SOX6: variants seen among roughly 807,000 people sequenced by gnomAD.
SOX6 encodes SRY-box transcription factor 6.
In SOX6, 11 loss-of-function variants were observed where a neutral mutation model predicts 97.8. That is an observed-to-expected ratio of 0.11 (90% CI 0.07 to 0.19). SOX6 has a LOEUF of 0.19. Ranked by LOEUF, SOX6 falls within the 10% of genes least tolerant of loss-of-function variation. SOX6 has a pLI of 1.00. For missense variants in SOX6, 810 were observed against 1,039.5 expected, an observed-to-expected ratio of 0.78 and a Z score of 3.04; for synonymous variants, 360 against 371.4, an observed-to-expected ratio of 0.97 and a Z score of 0.35.
intron 1 of SOX6, among the ~76,000 whole-genome samples, chr11:16,354,367 T>A (rs1857023179): frequency 6.6e-6 from 1 of 151,902 alleles, no homozygotes; most frequent in Non-Finnish European, 1.5e-5. Context: ...TTTTTACACA[T>A]CACAATAAAT....
At chr11:16,176,070 CGGATGGATGGAT>C (rs71826187) in intron 6 of SOX6, among the ~76,000 whole-genome samples, 115 of 148,420 alleles carry the variant, frequency 7.7e-4, no homozygotes, top group African/African-American at 2.4e-3. Flanking sequence ...GACGGACGGA[CGGATGGATGGAT>C]GGATGGATGG....
intron 2 of SOX6, among the ~76,000 whole-genome samples, chr11:16,326,910 C>T (rs1015663523): frequency 3.3e-5 from 5 of 152,092 alleles, no homozygotes; most frequent in East Asian, 1.9e-4. Flanking sequence ...TTTAAGAGTT[C>T]GGGGCTGAGA....
At chr11:16,429,014 C>A (rs768336677) in intron 1 of SOX6, among the ~76,000 whole-genome samples, 1 of 151,696 alleles carries the variant, frequency 6.6e-6, no homozygotes, top group Non-Finnish European at 1.5e-5. Context: ...AGCAGTGGTT[C>A]TCCTTGAACA....
chr11:16,065,797 A>G (rs1185504437), intron 9 of SOX6, among the ~76,000 whole-genome samples: 2 of 152,154 alleles, frequency 1.3e-5, no homozygotes, highest in Non-Finnish European at 2.9e-5. Flanking sequence ...CAAGACCTCA[A>G]TGTATGAAAC....
chr11:16,280,833 T>C (rs1854537620), intron 3 of SOX6, among the ~76,000 whole-genome samples: 3 of 152,282 alleles, frequency 2.0e-5, no homozygotes, highest in Non-Finnish European at 4.4e-5. Flanking sequence ...AATATGCATA[T>C]ATAAGGACAC....
intron 1 of SOX6, among the ~76,000 whole-genome samples, chr11:16,395,838 G>C (rs1185164284): frequency 2.0e-5 from 3 of 151,672 alleles, no homozygotes; most frequent in Non-Finnish European, 4.4e-5. Flanking sequence ...ACTAGAAAAG[G>C]CTTCAACTAT....
At chr11:16,333,941 CAAACTGAGGCAAACATA>C (rs1856384833) in intron 2 of SOX6, among the ~76,000 whole-genome samples, 1 of 152,084 alleles carries the variant, frequency 6.6e-6, no homozygotes, top group South Asian at 2.1e-4. Context: ...AAATATCCAT[CAAACTGAGGCAAACATA>C]AAACTGAGGC....
intron 3 of SOX6, among the ~76,000 whole-genome samples, chr11:16,275,606 T>A (rs1434140032): frequency 6.6e-6 from 1 of 152,214 alleles, no homozygotes; most frequent in Non-Finnish European, 1.5e-5. Context: ...TCACCTAAGA[T>A]CACTTATACA....
intron 4 of SOX6, among the ~76,000 whole-genome samples, chr11:16,232,627 C>T (rs1304593620): frequency 6.6e-6 from 1 of 151,840 alleles, no homozygotes; most frequent in Non-Finnish European, 1.5e-5. Flanking sequence ...CCCTGAAGTA[C>T]AAAAACTCCA....
rs1590062948 is a variant in SOX6 at position 16,717,811 on chromosome 11, G to A, written n.354-2906C>T. Among the ~76,000 whole-genome samples the A allele has an allele frequency of 4.0e-5, 6 of 150,124 alleles. No individual in the cohort carries two copies. In the South Asian group the frequency reaches 1.3e-3, roughly 32 times the overall value. ...TCACAAAAATTCAAGGATATAACTAGTTATTCTCCTCGTTTCCTTCAGACT... is the reference window on the plus strand; with the variant it reads ...TCACAAAAATTCAAGGATATAACTAATTATTCTCCTCGTTTCCTTCAGACT... On this transcript the variant is annotated intron_variant and non_coding_transcript_variant, in intron 2 of 5. Coordinates refer to the SOX6 transcript ENST00000524520.
At chr11:16,371,308 T>G (rs1857489181) in intron 1 of SOX6, among the ~76,000 whole-genome samples, 1 of 152,002 alleles carries the variant, frequency 6.6e-6, no homozygotes, top group Non-Finnish European at 1.5e-5. Context: ...TTACCTCAAG[T>G]TTTTAGGCAA....
intron 12 of SOX6, among the ~76,000 whole-genome samples, chr11:16,045,597 C>A (rs564489325): frequency 7.2e-5 from 11 of 152,282 alleles, no homozygotes; most frequent in Non-Finnish European, 1.5e-4. Flanking sequence ...CAGCCTATCA[C>A]TTTTACTTTA....
At chr11:16,285,652 T>C (rs114959234) in intron 3 of SOX6, among the ~76,000 whole-genome samples, 2 of 152,152 alleles carry the variant, frequency 1.3e-5, no homozygotes, top group Non-Finnish European at 2.9e-5. Flanking sequence ...AAGAGCTCAA[T>C]AAATGTCTGT....
intron 6 of SOX6, among the ~76,000 whole-genome samples, chr11:16,179,319 C>A (rs1851284153): frequency 6.6e-6 from 1 of 151,768 alleles, no homozygotes; most frequent in South Asian, 2.1e-4. Context: ...TGATGCTCTA[C>A]CACGTGGGAA....
At chr11:16,494,231 C>A (rs1860557952) in intron 4 of SOX6, among the ~76,000 whole-genome samples, 1 of 152,058 alleles carries the variant, frequency 6.6e-6, no homozygotes, top group African/African-American at 2.4e-5. Context: ...ACAAAATTAG[C>A]CAGGCATGGT....
At chr11:16,562,823 C>T (rs562818616) in intron 4 of SOX6, among the ~76,000 whole-genome samples, 2 of 152,230 alleles carry the variant, frequency 1.3e-5, no homozygotes, top group African/African-American at 4.8e-5. Flanking sequence ...TCAGTGAAGA[C>T]CACATGGGGA....
At chr11:16,098,436 G>A (rs1291732952) in intron 7 of SOX6, among the ~76,000 whole-genome samples, 1 of 151,868 alleles carries the variant, frequency 6.6e-6, no homozygotes, top group African/African-American at 2.4e-5. Context: ...GTTCAGCAGA[G>A]ATGAATGCTA....
At position 16,097,504 on chromosome 11, in the gene SOX6, TA is replaced by T. The variant is rs1004275845; in HGVS notation, c.978+104del. 6.4e-5 allele frequency: 64 copies of T among 1,002,164 alleles called. No individual in the cohort carries two copies. In the Middle Eastern group the frequency reaches 1.0e-3, roughly 16 times the overall value. The allele number at this position is 1,002,164 out of a possible 1,614,324, so 62.1% of individuals were successfully genotyped here. On this transcript the variant is annotated intron_variant, in intron 8 of 15. Coordinates refer to ENST00000683767, the MANE Select transcript of SOX6 (RefSeq NM_001367873.1). ...GGTGTTAATCCTTCTGGGCTATGCT[TA>T]AAAAATTATTTAACATTCAGGCCAT...
At chr11:16,308,195 A>G (rs1855494449) in intron 3 of SOX6, among the ~76,000 whole-genome samples, 1 of 152,236 alleles carries the variant, frequency 6.6e-6, no homozygotes, top group Non-Finnish European at 1.5e-5. Flanking sequence ...CAGAAAGAAG[A>G]AATTGGAAAT....
Sources: allele counts gnomAD v4.1 joint callset (sites outside exome capture counted in the v4.1 genomes callset), GRCh38; gene constraint gnomAD v4.1.1; transcripts MANE v1.5; gene names NCBI Gene and HGNC (gene_info 2026-07-23, HGNC 2026-07-21).